Variants in ADCY2 observed in about 807,000 individuals in gnomAD.
ADCY2 encodes the protein adenylate cyclase type 2.
ADCY2 carries 31 observed loss-of-function variants against 125.2 expected under a neutral mutation model. The observed-to-expected ratio is 0.25, with a 90% CI of 0.19 to 0.33. The LOEUF is 0.33. Among genes scored for constraint, ADCY2 ranks in the 10% least tolerant of loss-of-function variants. ADCY2 has a pLI of 1.00. For missense variants in ADCY2, 904 were observed against 1,418.2 expected, an observed-to-expected ratio of 0.64 and a Z score of 5.82; for synonymous variants, 512 against 548.4, an observed-to-expected ratio of 0.93 and a Z score of 0.93.
chr5:7,669,815 G>C (rs1739873263), intron 4 of ADCY2, among the ~76,000 whole-genome samples: 1 of 152,178 alleles, frequency 6.6e-6, no homozygotes, highest in African/African-American at 2.4e-5. Context: ...AGCAGGGTTA[G>C]CTTTTGCATT....
intron 5 of ADCY2, 117 bp from the exon 6 acceptor site, chr5:7,695,631 TACTC>T: frequency 2.0e-6 from 1 of 500,362 alleles, no homozygotes; most frequent in Non-Finnish European, 3.5e-6. Context: ...AATGACCTCT[TACTC>T]ATGAAAATAT....
chr5:7,668,813 A>G (rs867610257), intron 4 of ADCY2, among the ~76,000 whole-genome samples: 2 of 152,130 alleles, frequency 1.3e-5, no homozygotes, highest in African/African-American at 4.8e-5. Context: ...TGAAATTCCA[A>G]CCCAAAGATG....
intron 19 of ADCY2, 136 bp from the exon 20 acceptor site, chr5:7,789,506 T>G: frequency 1.3e-6 from 1 of 784,932 alleles, no homozygotes; most frequent in Non-Finnish European, 2.0e-6. Context: ...GAGGGCTTTA[T>G]GGGGAGGGTG....
intron 4 of ADCY2, among the ~76,000 whole-genome samples, chr5:7,651,753 A>G (rs1367317716): frequency 3.9e-5 from 6 of 152,176 alleles, no homozygotes; most frequent in Non-Finnish European, 2.9e-5. Context: ...AACCATTACC[A>G]TGTCCATTAA....
At chr5:7,544,543 A>T (rs1468412763) in intron 3 of ADCY2, among the ~76,000 whole-genome samples, 1 of 152,134 alleles carries the variant, frequency 6.6e-6, no homozygotes, top group Non-Finnish European at 1.5e-5. Flanking sequence ...TGTGTCATCC[A>T]GGATGCTCTC....
chr5:7,763,715 C>T (rs1022363716), intron 16 of ADCY2, among the ~76,000 whole-genome samples: 2 of 152,166 alleles, frequency 1.3e-5, no homozygotes, highest in Non-Finnish European at 1.5e-5. Context: ...GGCATCGTGC[C>T]CTCGGGTGTT....
intron 2 of ADCY2, among the ~76,000 whole-genome samples, chr5:7,510,489 A>C (rs1421341154): frequency 1.3e-5 from 2 of 152,186 alleles, no homozygotes; most frequent in Non-Finnish European, 2.9e-5. Flanking sequence ...TGATTCAGTC[A>C]ATTTAGGGTG....
intron 22 of ADCY2, among the ~76,000 whole-genome samples, chr5:7,814,544 C>A (rs1194597653): frequency 6.6e-6 from 1 of 152,146 alleles, no homozygotes; most frequent in Admixed American, 6.5e-5. Flanking sequence ...AGAAACCCTG[C>A]GTTACTGCAA....
At chr5:7,510,464 G>A (rs1327540537) in intron 2 of ADCY2, among the ~76,000 whole-genome samples, 2 of 152,154 alleles carry the variant, frequency 1.3e-5, no homozygotes, top group Admixed American at 1.3e-4. Flanking sequence ...TGGGAAGCAG[G>A]GTTACCATAG....
chr5:7,615,649 C>G (rs1579238126), intron 3 of ADCY2, among the ~76,000 whole-genome samples: 1 of 152,074 alleles, frequency 6.6e-6, no homozygotes, highest in African/African-American at 2.4e-5. Flanking sequence ...AGACTGTGTT[C>G]CAAGGCACCC....
intron 4 of ADCY2, among the ~76,000 whole-genome samples, chr5:7,630,873 GC>G (rs1355821712): frequency 6.7e-6 from 1 of 148,250 alleles, no homozygotes; most frequent in Non-Finnish European, 1.5e-5. Context: ...TGCAACCTCT[GC>G]CCCCTGGGGC....
At chr5:7,600,325 G>C (rs1737156930) in intron 3 of ADCY2, among the ~76,000 whole-genome samples, 1 of 152,234 alleles carries the variant, frequency 6.6e-6, no homozygotes, top group South Asian at 2.1e-4. Context: ...GGTCAAGGTG[G>C]AGAGGTTGTC....
At chr5:7,742,211 G>A (rs1742460212) in intron 14 of ADCY2, among the ~76,000 whole-genome samples, 1 of 151,370 alleles carries the variant, frequency 6.6e-6, no homozygotes, top group Non-Finnish European at 1.5e-5. Flanking sequence ...ATGAATCACT[G>A]TGGTCCCCTT....
chr5:7,483,285 T>C (rs867871526), intron 2 of ADCY2, among the ~76,000 whole-genome samples: 17 of 152,154 alleles, frequency 1.1e-4, no homozygotes, highest in African/African-American at 4.1e-4. Context: ...CCCATTAGTA[T>C]GTACAATTAT....
chr5:7,488,956 C>T (rs1344118182), intron 2 of ADCY2, among the ~76,000 whole-genome samples: 1 of 152,164 alleles, frequency 6.6e-6, no homozygotes, highest in South Asian at 2.1e-4. Flanking sequence ...GTCATCTGTC[C>T]CTCATCAGTA....
chr5:7,687,527 A>G (rs1020800967), intron 4 of ADCY2, among the ~76,000 whole-genome samples: 7 of 152,184 alleles, frequency 4.6e-5, no homozygotes, highest in Non-Finnish European at 8.8e-5. Context: ...CGCTCCCTCC[A>G]AAGAGGGAAG....
At position 7,530,436 on chromosome 5, in the gene ADCY2, A is replaced by G. The variant is rs185715889; in HGVS notation, c.570+9537A>G. ...GCCCTGACACTCAGGCTGGAAGACA[A>G]TGGCATGATCATAGCTCACTGCAGT... On this transcript the variant is annotated intron_variant, in intron 3 of 24. Coordinates refer to ENST00000338316, the MANE Select transcript of ADCY2 (RefSeq NM_020546.3). Among the ~76,000 whole-genome samples, 209 of 152,202 alleles carry G rather than the reference A, an allele frequency of 1.4e-3. 5 individuals carry two copies. The highest frequency in any genetic ancestry group is 0.012 in the Admixed American group (191 of 15,292).
At chr5:7,511,246 A>AT (rs1397673995) in intron 2 of ADCY2, among the ~76,000 whole-genome samples, 37 of 152,216 alleles carry the variant, frequency 2.4e-4, no homozygotes, top group Non-Finnish European at 7.3e-5. Flanking sequence ...AAAATTAAAA[A>AT]TGTAAAAATA....
intron 2 of ADCY2, among the ~76,000 whole-genome samples, chr5:7,420,639 C>A (rs1740165654): frequency 6.6e-6 from 1 of 152,184 alleles, no homozygotes; most frequent in African/African-American, 2.4e-5. Context: ...TGATGCCATT[C>A]CACGTAGCTG....
Sources: allele counts gnomAD v4.1 joint callset (sites outside exome capture counted in the v4.1 genomes callset), GRCh38; gene constraint gnomAD v4.1.1; transcripts MANE v1.5; gene names NCBI Gene and HGNC (gene_info 2026-07-23, HGNC 2026-07-21).